The following BSDC1 variants were observed in gnomAD, a reference collection of about 807,000 sequenced individuals.
BSDC1 encodes BSD domain-containing protein 1.
A neutral mutation model predicts 56.0 loss-of-function variants in BSDC1; 29 were observed. That is an observed-to-expected ratio of 0.52 (90% CI 0.39 to 0.71). The LOEUF is 0.71. Among genes scored for constraint, BSDC1 ranks in the 30% least tolerant of loss-of-function variants. BSDC1 has a pLI of 0.00. For missense variants in BSDC1, 477 were observed against 548.5 expected, an observed-to-expected ratio of 0.87 and a Z score of 1.30; for synonymous variants, 210 against 215.3, an observed-to-expected ratio of 0.98 and a Z score of 0.21.
chr1:32,386,925 C>A lies in BSDC1; in HGVS notation c.73-30G>T, dbSNP rs143722673. On this transcript the variant is annotated intron_variant, in intron 2 of 10. Transcript: ENST00000455895. The stretch of plus-strand genomic sequence containing the variant: ...GGGAAGACAGAGAGGGATGCCAGGG[C>A]CAGCTGGCCCCACCACCCCTTGTTC... 36 of 1,547,262 alleles carry A rather than the reference C, an allele frequency of 2.3e-5. No homozygotes were observed. In the African/African-American group the frequency reaches 4.8e-4, roughly 20 times the overall value.
intron 10 of BSDC1, chr1:32,366,984 C>T: frequency 2.8e-6 from 3 of 1,081,914 alleles, no homozygotes; most frequent in Non-Finnish European, 3.4e-6. Context: ...TCCTGCTGAG[C>T]AGATAATGCC....
chr1:32,367,901 G>A, intron 10 of BSDC1: 2 of 1,016,422 alleles, frequency 2.0e-6, no homozygotes, highest in Non-Finnish European at 1.2e-6. Flanking sequence ...AGGGGCTCAG[G>A]TTAAGTAACT....
Position 32,376,606 on chromosome 1 carries a change from G to A in BSDC1, c.812C>T (p.Pro271Leu), listed in dbSNP as rs1481170940. 1 of 1,483,052 alleles carries A rather than the reference G, an allele frequency of 6.7e-7. No homozygotes were observed. The allele number at this position is 1,483,052 out of a possible 1,614,324, so 91.9% of individuals were successfully genotyped here. The change falls in exon 9 of 11, where the codon CCA becomes CTA. Residue 271 changes from proline to leucine, a missense_variant. By Grantham distance (98) the Pro-to-Leu change is moderately conservative. Coordinates refer to ENST00000455895, the MANE Select transcript of BSDC1 (RefSeq NM_018045.8). ...GCTCTCTGATGGAGTCACCTCTGCT[G>A]GGGGCTCAACTGAAGTCACCAGATT... ...EENLVTSVEP[P>L]AEVTPSESSE...
intron 8 of BSDC1, 68 bp from the exon 9 acceptor site, chr1:32,376,809 C>T (rs951102518): frequency 3.8e-5 from 50 of 1,314,746 alleles, no homozygotes; most frequent in Non-Finnish European, 4.9e-5. Flanking sequence ...AACCTTGGAG[C>T]TCTCAAGTTC....
At chr1:32,367,839 A>G in intron 10 of BSDC1, 1 of 969,642 alleles carries the variant, frequency 1.0e-6, no homozygotes, top group Non-Finnish European at 1.2e-6. Context: ...ACCTCATTAC[A>G]GCTTATAGCC....
In BSDC1 at chr1:32,394,429, A is replaced by T. The variant is rs531184005; in HGVS notation, c.-15T>A. 3 of 1,613,934 alleles carry T rather than the reference A, an allele frequency of 1.9e-6. No homozygotes were observed. The Admixed American group carries it at 5.0e-5, about 27-fold the overall frequency. On this transcript the variant is annotated 5_prime_UTR_variant, in exon 1 of 11. It removes an upstream start codon present in the reference 5' UTR. Transcript: ENST00000455895. ...CCTTCCGCCATCTTGCCTGCATGACATCACCACTATTTACTGACCTTTGAC... is the reference window on the plus strand; with the variant it reads ...CCTTCCGCCATCTTGCCTGCATGACTTCACCACTATTTACTGACCTTTGAC...
At chr1:32,375,724 A>G (rs1642255877) in intron 9 of BSDC1, among the ~76,000 whole-genome samples, 1 of 152,240 alleles carries the variant, frequency 6.6e-6, no homozygotes, top group South Asian at 2.1e-4. Context: ...GGCTTGGGGA[A>G]GCTGAATGAC....
chr1:32,367,104 C>A (rs1242104087), intron 10 of BSDC1: 1 of 987,184 alleles, frequency 1.0e-6, no homozygotes, highest in Non-Finnish European at 1.2e-6. Context: ...TGAATGGAGG[C>A]CACTGCCTGA....
At chr1:32,385,851 C>T (rs1021150795) in intron 3 of BSDC1, among the ~76,000 whole-genome samples, 5 of 152,300 alleles carry the variant, frequency 3.3e-5, no homozygotes, top group East Asian at 1.9e-4. Context: ...ATACTTTCCA[C>T]AATTTTATTA....
intron 2 of BSDC1, among the ~76,000 whole-genome samples, chr1:32,388,091 T>C (rs1035007218): frequency 6.6e-5 from 10 of 152,160 alleles, no homozygotes; most frequent in Non-Finnish European, 1.5e-5. Flanking sequence ...TCACCAACTC[T>C]AGGATGCTTC....
chr1:32,374,308 A>G (rs1642199640), intron 9 of BSDC1, among the ~76,000 whole-genome samples: 2 of 152,218 alleles, frequency 1.3e-5, no homozygotes, highest in Admixed American at 1.3e-4. Flanking sequence ...AGGATCTATC[A>G]TGAAACAATT....
At chr1:32,367,914 C>T in intron 10 of BSDC1, 1 of 1,019,502 alleles carries the variant, frequency 9.8e-7, no homozygotes, top group South Asian at 3.9e-5. Context: ...AAGTAACTTG[C>T]CCTTGCCCTT....
intron 4 of BSDC1, among the ~76,000 whole-genome samples, chr1:32,382,517 C>T (rs369915897): frequency 4.0e-5 from 6 of 151,130 alleles, no homozygotes; most frequent in Non-Finnish European, 8.8e-5. Context: ...GAGGGCCCAA[C>T]TGCCATGACA....
At chr1:32,392,192 C>T (rs1479273026) in intron 2 of BSDC1, among the ~76,000 whole-genome samples, 3 of 151,968 alleles carry the variant, frequency 2.0e-5, no homozygotes, top group Admixed American at 6.6e-5. Context: ...ATTAGCTGGG[C>T]GTGGTGGCAC....
intron 2 of BSDC1, among the ~76,000 whole-genome samples, chr1:32,393,148 C>T (rs1462546335): frequency 6.6e-6 from 1 of 152,216 alleles, no homozygotes; most frequent in Non-Finnish European, 1.5e-5. Context: ...AAGCAGGACT[C>T]ATCCCAATTG....
At chr1:32,389,641 A>G (rs891996330) in intron 2 of BSDC1, among the ~76,000 whole-genome samples, 4 of 152,264 alleles carry the variant, frequency 2.6e-5, no homozygotes, top group African/African-American at 9.6e-5. Flanking sequence ...TTAAAGAATG[A>G]ACAGGAGTTG....
chr1:32,389,528 G>A (rs1322832749), intron 2 of BSDC1, among the ~76,000 whole-genome samples: 3 of 152,170 alleles, frequency 2.0e-5, no homozygotes, highest in African/African-American at 7.2e-5. Context: ...GTCTACTGGG[G>A]AAAATGGTCC....
chr1:32,373,812 T>C (rs1642182269), intron 9 of BSDC1, among the ~76,000 whole-genome samples: 1 of 152,178 alleles, frequency 6.6e-6, no homozygotes, highest in African/African-American at 2.4e-5. Flanking sequence ...TGTGAGCCAC[T>C]GTGCCCAGCG....
chr1:32,389,776 A>C (rs1456925938), intron 2 of BSDC1, among the ~76,000 whole-genome samples: 1 of 150,220 alleles, frequency 6.7e-6, no homozygotes, highest in African/African-American at 2.5e-5. Flanking sequence ...ACTATGGCAA[A>C]ACCGTCTCCA....
Sources: gnomAD v4.1 joint callset for allele counts (sites outside exome capture counted in the v4.1 genomes callset) on GRCh38, gnomAD v4.1.1 for gene constraint, MANE v1.5 for transcripts, NCBI Gene and HGNC (gene_info 2026-07-23, HGNC 2026-07-21) for gene names.